Variants in RGPD3 observed in about 807,000 individuals in gnomAD.
The protein encoded by RGPD3 is RANBP2 like and GRIP domain containing 3.
In RGPD3, 62 loss-of-function variants were observed where a neutral mutation model predicts 154.5. That is an observed-to-expected ratio of 0.40 (90% confidence interval 0.33 to 0.50). The LOEUF is 0.50. Among genes scored for constraint, RGPD3 ranks in the 20% least tolerant of loss-of-function variants. The pLI, the probability that RGPD3 is intolerant of heterozygous loss-of-function variation, is 0.59. For synonymous variants in RGPD3, 308 were observed against 607.0 expected, an observed-to-expected ratio of 0.51 and a Z score of 7.24; for missense variants, 919 against 1,716.8, an observed-to-expected ratio of 0.54 and a Z score of 8.21.
At chr2:106,466,026 G>A (rs1678567004) in intron 1 of RGPD3, among the ~76,000 whole-genome samples, 2 of 151,846 alleles carry the variant, frequency 1.3e-5, no homozygotes, top group South Asian at 2.1e-4. Context: ...AGCATATAAA[G>A]TAAATGTCCA....
intron 20 of RGPD3, 43 bp from the exon 21 acceptor site, chr2:106,416,032 T>C (rs1311510909): frequency 3.1e-6 from 5 of 1,604,436 alleles, no homozygotes; most frequent in East Asian, 4.5e-5. Context: ...AAATCATACA[T>C]TACAGATGAA....
intron 22 of RGPD3, among the ~76,000 whole-genome samples, chr2:106,412,395 C>T (rs1483259622): frequency 6.8e-4 from 97 of 143,406 alleles, no homozygotes; most frequent in Middle Eastern, 4.0e-3. Context: ...CTGCAACCTC[C>T]GCCTCGTGAG....
intron 1 of RGPD3, among the ~76,000 whole-genome samples, chr2:106,467,454 C>T (rs1678657589): frequency 1.4e-5 from 1 of 70,486 alleles, no homozygotes. Flanking sequence ...GAGGCCGCCG[C>T]CTCAACAGAG....
At chr2:106,468,471 G>C (rs2104533414), upstream of RGPD3, 1 of 1,208,086 alleles carries the variant, frequency 8.3e-7, no homozygotes, top group South Asian at 1.5e-5. Context: ...CGGCGCTCGA[G>C]CTGCACTCGG....
chr2:106,407,153 C>T (rs867926217), intron 22 of RGPD3, among the ~76,000 whole-genome samples: 15 of 150,814 alleles, frequency 9.9e-5, no homozygotes, highest in African/African-American at 3.7e-4. Flanking sequence ...AATTTAGTTC[C>T]TCAAGGCTGC....
intron 22 of RGPD3, among the ~76,000 whole-genome samples, chr2:106,409,266 C>A (rs1258165551): frequency 1.3e-5 from 2 of 152,064 alleles, no homozygotes; most frequent in East Asian, 1.9e-4. Flanking sequence ...GCCTTGGTAA[C>A]AAAATGCCCC....
chr2:106,426,721 A>G (rs1213472116), intron 18 of RGPD3, among the ~76,000 whole-genome samples: 1 of 152,260 alleles, frequency 6.6e-6, no homozygotes, highest in Non-Finnish European at 1.5e-5. Context: ...TGTTAATGAC[A>G]AAACTACCAA....
Position 106,459,325 on chromosome 2 carries a change from G to A in RGPD3, c.80C>T (p.Thr27Met), listed in dbSNP as rs754406473. The change falls in exon 2 of 23, where the codon ACG becomes ATG. Residue 27 changes from threonine (T) to methionine (M), a missense_variant. By Grantham distance (81) the Thr-to-Met change is moderately conservative. Transcript: ENST00000409886. Reference protein sequence around the residue: ...GSAPSPRKKSTRGFYFAKLYY... With the variant: ...GSAPSPRKKSMRGFYFAKLYY... ...CAGCTTTGCAAAATAGAATCCTCTC[G>A]TTGACTTCTAAAAAAAATTAAAAGT... is the stretch of plus-strand genomic sequence containing the variant. The A allele has an allele frequency of 4.4e-5, 69 of 1,556,798 alleles. No individual in the cohort carries two copies. The highest frequency in any genetic ancestry group is 9.3e-5 in the South Asian group (8 of 86,392).
rs1418807066 is a variant in RGPD3 at position 106,425,149 on chromosome 2, G to A, written c.2818C>T (p.Pro940Ser). The change falls in exon 20 of 23, where the codon CCT (proline) becomes TCT (serine). Residue 940 changes from proline to serine, a missense_variant. Transcript: ENST00000409886. ...TGTAAGCCAGTATCATTTTCAAGAG[G>A]CTTTTCACTTTTCTTTTCTTGATTT... ...PGNQEKKSEK[P>S]LENDTGLQAQ... is the part of the protein sequence containing the mutation. 1.1e-5 allele frequency: 18 copies of A among 1,611,904 alleles called. No individual in the cohort carries two copies. The highest frequency in any genetic ancestry group is 8.9e-5 in the East Asian group (4 of 44,880).
intron 22 of RGPD3, among the ~76,000 whole-genome samples, chr2:106,411,899 TA>T (rs1225583183): frequency 1.3e-5 from 2 of 151,950 alleles, no homozygotes; most frequent in African/African-American, 4.8e-5. Flanking sequence ...TAGGATACTA[TA>T]AAAAGACATT....
At chr2:106,405,482 T>C (rs1045288580) in intron 22 of RGPD3, among the ~76,000 whole-genome samples, 13 of 150,260 alleles carry the variant, frequency 8.7e-5, no homozygotes, top group African/African-American at 2.7e-4. Flanking sequence ...CTCAAGTGAT[T>C]CTCCCACCTC....
intron 20 of RGPD3, among the ~76,000 whole-genome samples, chr2:106,422,126 TAGATTTAAAAA>T (rs1447085186): frequency 2.0e-5 from 3 of 152,108 alleles, no homozygotes; most frequent in Non-Finnish European, 4.4e-5. Flanking sequence ...GCTATGGGAT[TAGATTTAAAAA>T]GGCTAAAATT....
intron 21 of RGPD3, among the ~76,000 whole-genome samples, chr2:106,415,044 G>A (rs1195259936): frequency 6.6e-6 from 1 of 151,990 alleles, no homozygotes; most frequent in Non-Finnish European, 1.5e-5. Context: ...TATATTCTGA[G>A]GGGTGATTTA....
At chr2:106,449,428 T>G (rs1678039568) in intron 6 of RGPD3, among the ~76,000 whole-genome samples, 2 of 133,730 alleles carry the variant, frequency 1.5e-5, no homozygotes, top group South Asian at 4.9e-4. Flanking sequence ...ATCACACTGT[T>G]GCACTCTAGC....
chr2:106,430,189 A>G (rs1375067645), intron 17 of RGPD3, among the ~76,000 whole-genome samples: 1 of 150,852 alleles, frequency 6.6e-6, no homozygotes, highest in Non-Finnish European at 1.5e-5. Flanking sequence ...GGACCTGATT[A>G]TATCTTTTGA....
chr2:106,405,278 C>T (rs1328046454), intron 22 of RGPD3, 49 bp from the exon 23 acceptor site: 4 of 1,575,856 alleles, frequency 2.5e-6, no homozygotes, highest in Non-Finnish European at 3.4e-6. Flanking sequence ...ATTAAAATTT[C>T]TCAATGTAAA....
intron 21 of RGPD3, among the ~76,000 whole-genome samples, chr2:106,415,126 G>C (rs1336767360): frequency 6.6e-6 from 1 of 150,698 alleles, no homozygotes; most frequent in Non-Finnish European, 1.5e-5. Flanking sequence ...AGATGTTTCT[G>C]GTGTCTACTT....
upstream of RGPD3, chr2:106,468,428 C>G: frequency 6.7e-7 from 1 of 1,496,578 alleles, no homozygotes; most frequent in Non-Finnish European, 9.0e-7. Context: ...AACTTGTGTC[C>G]TGCGTCAACA....
At chr2:106,468,751 CG>C (rs1221023497), upstream of RGPD3, among the ~76,000 whole-genome samples, 1 of 123,216 alleles carries the variant, frequency 8.1e-6, no homozygotes, top group African/African-American at 3.1e-5. Context: ...GGTTGCAGTA[CG>C]GTGAGATTGC....
Sources: gnomAD v4.1 joint callset for allele counts (sites outside exome capture counted in the v4.1 genomes callset) on GRCh38, gnomAD v4.1.1 for gene constraint, MANE v1.5 for transcripts, NCBI Gene and HGNC (gene_info 2026-07-23, HGNC 2026-07-21) for gene names.